Variants in RCBTB1 observed in about 807,000 individuals in gnomAD.
RCBTB1 encodes the protein RCC1 and BTB domain containing protein 1.
In RCBTB1, 46 loss-of-function variants were observed where a neutral mutation model predicts 62.4. That is an observed-to-expected ratio of 0.74 (90% CI 0.58 to 0.94). RCBTB1 has a LOEUF of 0.94. Among genes scored for constraint, RCBTB1 ranks in the 40% least tolerant of loss-of-function variants. RCBTB1 has a pLI of 0.00. For synonymous variants in RCBTB1, 222 were observed against 245.8 expected (o/e 0.90, Z 0.91); for missense variants, 565 against 654.9 (o/e 0.86, Z 1.50).
intron 12 of RCBTB1, among the ~76,000 whole-genome samples, chr13:49,538,775 A>G (rs527546233): frequency 6.6e-6 from 1 of 151,882 alleles, no homozygotes; most frequent in East Asian, 1.9e-4. Context: ...ACACACACAT[A>G]TATATATATG....
intron 2 of RCBTB1, among the ~76,000 whole-genome samples, chr13:49,574,399 G>A (rs958512768): frequency 2.6e-4 from 39 of 152,318 alleles, no homozygotes; most frequent in African/African-American, 8.2e-4. Flanking sequence ...GATTAGAGGC[G>A]TGAGCCACCA....
In RCBTB1 at chr13:49,540,998, C is replaced by G. The variant is rs1401154125; in HGVS notation, c.1333G>C (p.Asp445His). ...LPPEDAIGLL[D>H]LATSYCENRL... ...TTTTCACAGTAAGATGTCGCCAAATCCAGAAGACCTAAAAGTAAAATATGT... is the reference window on the plus strand; with the variant it reads ...TTTTCACAGTAAGATGTCGCCAAATGCAGAAGACCTAAAAGTAAAATATGT... The change falls in exon 12 of 13, where the codon GAT becomes CAT. Residue 445 changes from aspartate to histidine, a missense_variant. Physicochemically the swap from Asp to His is moderately conservative, Grantham distance 81. Coordinates refer to ENST00000378302, the MANE Select transcript of RCBTB1 (RefSeq NM_018191.4). 3 of 1,611,412 alleles carry G rather than the reference C, an allele frequency of 1.9e-6. No homozygotes were observed. Among genetic ancestry groups the G allele is most frequent in the Non-Finnish European group, 2.5e-6 (3 of 1,179,700 alleles).
chr13:49,573,480 C>T (rs1963551631), intron 2 of RCBTB1, among the ~76,000 whole-genome samples: 1 of 144,494 alleles, frequency 6.9e-6, no homozygotes. Context: ...TGGAGTTTCG[C>T]TCTTGTTGCC....
rs780663197 is a variant in RCBTB1, at chr13:49,552,249, C to A, written c.640G>T (p.Gly214Cys). Residue 214 changes from glycine (G) to cysteine (C), a missense_variant, in exon 7 of 13, where the codon GGC becomes TGC. Coordinates refer to ENST00000378302, the MANE Select transcript of RCBTB1 (RefSeq NM_018191.4). ...AGCTGGTTGCCATTGTTTCCCAGGC[C>A]CAGCTGACCGTTGCCATTGTAACCC... is the stretch of plus-strand genomic sequence containing the variant. ...GWGYNGNGQL[G>C]LGNNGNQLTP... 1 of 1,602,726 alleles carries A rather than the reference C, an allele frequency of 6.2e-7. No individual in the cohort carries two copies.
intron 5 of RCBTB1, among the ~76,000 whole-genome samples, chr13:49,559,433 G>C (rs980591468): frequency 6.6e-6 from 1 of 152,150 alleles, no homozygotes; most frequent in Admixed American, 6.5e-5. Context: ...AAGGCGGGCA[G>C]ATCACGAGGT....
chr13:49,575,138 C>G (rs1269756791), intron 2 of RCBTB1, among the ~76,000 whole-genome samples: 2 of 151,928 alleles, frequency 1.3e-5, no homozygotes, highest in African/African-American at 2.4e-5. Context: ...TTCTAGGCAA[C>G]AAATATGTGA....
chr13:49,567,557 TC>T (rs1963110641), intron 2 of RCBTB1, among the ~76,000 whole-genome samples: 1 of 152,104 alleles, frequency 6.6e-6, no homozygotes, highest in Non-Finnish European at 1.5e-5. Flanking sequence ...CTTGCCCACT[TC>T]CTAGTCAGTG....
In RCBTB1 at chr13:49,534,646, G is replaced by A. The variant is rs952064149; in HGVS notation, c.1456-384C>T. ...TAGTCTGCAGAATGTGTTTTGTCAC[G>A]TTCAAGACATCAGAGAAAAGAATTA... On this transcript the variant is annotated intron_variant, in intron 12 of 12. Coordinates refer to ENST00000378302, the MANE Select transcript of RCBTB1 (RefSeq NM_018191.4). Among the ~76,000 whole-genome samples, 5 of 152,286 alleles carry A rather than the reference G, an allele frequency of 3.3e-5. No homozygotes were observed. In the South Asian group the frequency reaches 6.2e-4, roughly 19 times the overall value.
chr13:49,566,574 T>A, intron 4 of RCBTB1, 44 bp downstream of exon 4: 1 of 1,587,418 alleles, frequency 6.3e-7, no homozygotes, highest in African/African-American at 1.4e-5. Context: ...AATTAACCGG[T>A]CAATTTCTTA....
At chr13:49,550,552 T>C (rs1471752623) in intron 8 of RCBTB1, 2 of 356,494 alleles carry the variant, frequency 5.6e-6, no homozygotes, top group East Asian at 1.7e-4. Context: ...CAAATCAATA[T>C]TTAAACAGAT....
At chr13:49,545,675 A>G (rs149051319) in intron 9 of RCBTB1, among the ~76,000 whole-genome samples, 2 of 152,286 alleles carry the variant, frequency 1.3e-5, no homozygotes, top group Non-Finnish European at 2.9e-5. Flanking sequence ...AATTTTTTTA[A>G]ATTCCAGAGA....
intron 9 of RCBTB1, chr13:49,547,118 T>C (rs774107708): frequency 1.8e-5 from 23 of 1,286,558 alleles, no homozygotes; most frequent in Middle Eastern, 2.1e-4. Flanking sequence ...CATGTGCAAT[T>C]CTGGCCAAAT....
At chr13:49,561,610 T>C (rs1962434474) in intron 4 of RCBTB1, among the ~76,000 whole-genome samples, 1 of 152,224 alleles carries the variant, frequency 6.6e-6, no homozygotes, top group Non-Finnish European at 1.5e-5. Context: ...GAAAATTCAG[T>C]ATCATAAAGA....
chr13:49,552,950 A>G (rs1235671094), intron 6 of RCBTB1, among the ~76,000 whole-genome samples: 2 of 152,146 alleles, frequency 1.3e-5, no homozygotes, highest in African/African-American at 4.8e-5. Flanking sequence ...TTGGAAGGCC[A>G]GCGTGGGCAG....
chr13:49,538,075 A>C (rs1318964022), intron 12 of RCBTB1: 1 of 152,208 alleles, frequency 6.6e-6, no homozygotes, highest in East Asian at 1.9e-4. Context: ...AGCATCCCCA[A>C]GTTGAGCTCT....
intron 6 of RCBTB1, among the ~76,000 whole-genome samples, chr13:49,553,168 C>A (rs371265725): frequency 1.4e-3 from 214 of 152,142 alleles, no homozygotes; most frequent in African/African-American, 5.1e-3. Flanking sequence ...GCAACAACAA[C>A]AACAAAAAGA....
chr13:49,542,954 C>T lies in RCBTB1; in HGVS notation c.1173-1127G>A, dbSNP rs116118979. 3.2e-3 allele frequency among the ~76,000 whole-genome samples: 490 copies of T among 152,216 alleles called. 1 individual carries two copies. The highest frequency in any genetic ancestry group is 0.011 in the African/African-American group (464 of 41,546). ...TTTTAAATTATTTTAAAGTGAGATA[C>T]GGCACAAAGAGAAAAAGTATTCTGA... On this transcript the variant is annotated intron_variant, in intron 10 of 12. Coordinates refer to ENST00000378302, the MANE Select transcript of RCBTB1 (RefSeq NM_018191.4).
chr13:49,537,660 T>C (rs1364656809), intron 12 of RCBTB1, among the ~76,000 whole-genome samples: 1 of 152,196 alleles, frequency 6.6e-6, no homozygotes, highest in Non-Finnish European at 1.5e-5. Context: ...CACATAAAAA[T>C]AAAAAATTTC....
chr13:49,566,860 A>C, intron 3 of RCBTB1, 92 bp from the exon 4 acceptor site: 1 of 1,237,660 alleles, frequency 8.1e-7, no homozygotes, highest in Non-Finnish European at 1.1e-6. Flanking sequence ...CATTTCAACT[A>C]CAGAGCTCAG....
Sources: gnomAD v4.1 joint callset for allele counts (sites outside exome capture counted in the v4.1 genomes callset) on GRCh38, gnomAD v4.1.1 for gene constraint, MANE v1.5 for transcripts, NCBI Gene and HGNC (gene_info 2026-07-23, HGNC 2026-07-21) for gene names.